Variants in DMD observed in about 807,000 individuals in gnomAD.
The protein encoded by DMD is mutant dystrophin.
In DMD, 63 loss-of-function variants were observed where a neutral mutation model predicts 330.1. The observed-to-expected ratio is 0.19, with a 90% CI of 0.16 to 0.24. The LOEUF is 0.24. Among genes scored for constraint, DMD ranks in the 10% least tolerant of loss-of-function variants. DMD has a pLI of 1.00. For synonymous variants in DMD, 1,223 were observed against 959.8 expected, an observed-to-expected ratio of 1.27 and a Z score of -5.07; for missense variants, 3,344 against 2,684.1, an observed-to-expected ratio of 1.25 and a Z score of -5.43.
chrX:31,612,198 T>A (rs932614078), intron 55 of DMD, among the ~76,000 whole-genome samples: 3 of 111,479 alleles, frequency 2.7e-5, no homozygotes, highest in African/African-American at 9.8e-5. Context: ...TTGACTGTTG[T>A]AGGTAGCTCA....
chrX:32,442,870 A>G (rs1373537242), intron 27 of DMD, among the ~76,000 whole-genome samples: 5 of 111,244 alleles, frequency 4.5e-5, no homozygotes, highest in Non-Finnish European at 9.5e-5. Context: ...TGTTGGGTGA[A>G]AGACAAAGCC....
intron 47 of DMD, among the ~76,000 whole-genome samples, chrX:31,919,703 C>T (rs1156536759): frequency 8.9e-6 from 1 of 112,161 alleles, no homozygotes; most frequent in Non-Finnish European, 1.9e-5. Flanking sequence ...GAAATGCTCT[C>T]GTCAATGTCT....
intron 55 of DMD, among the ~76,000 whole-genome samples, chrX:31,564,996 A>G (rs1476093983): frequency 8.9e-6 from 1 of 112,471 alleles, no homozygotes; most frequent in Non-Finnish European, 1.9e-5. Flanking sequence ...CAGTAAAATA[A>G]CAAATGAGAT....
chrX:31,757,238 C>G (rs1222049586), intron 51 of DMD, among the ~76,000 whole-genome samples: 1 of 111,663 alleles, frequency 9.0e-6, no homozygotes, highest in South Asian at 3.7e-4. Context: ...TCACTATACT[C>G]CAATTTACAC....
At chrX:32,889,186 A>C (rs138188911) in intron 2 of DMD, among the ~76,000 whole-genome samples, 1,648 of 111,103 alleles carry the variant, frequency 0.015, 24 homozygotes, top group African/African-American at 0.052. Context: ...AATCGTGAGC[A>C]TGTGTCTTAG....
intron 1 of DMD, among the ~76,000 whole-genome samples, chrX:33,097,499 A>G (rs1167829861): frequency 9.0e-6 from 1 of 111,072 alleles, no homozygotes; most frequent in East Asian, 2.8e-4. Flanking sequence ...TGATCAGTGA[A>G]ATTTACATTG....
intron 48 of DMD, among the ~76,000 whole-genome samples, chrX:31,839,019 A>G (rs2093261752): frequency 8.9e-6 from 1 of 111,926 alleles, no homozygotes; most frequent in Admixed American, 9.5e-5. Context: ...ATATTATCAC[A>G]TATGCTGAAA....
intron 55 of DMD, among the ~76,000 whole-genome samples, chrX:31,520,178 G>A (rs1277455311): frequency 8.9e-6 from 1 of 111,919 alleles, no homozygotes; most frequent in East Asian, 2.8e-4. Context: ...CCATTCATGA[G>A]CTTTCCATTG....
intron 45 of DMD, among the ~76,000 whole-genome samples, chrX:31,948,748 G>A (rs2095121446): frequency 1.8e-5 from 2 of 111,187 alleles, no homozygotes; most frequent in Non-Finnish European, 3.8e-5. Flanking sequence ...CTGTTGAGTT[G>A]TATTAACAAT....
At chrX:33,008,722 G>A (rs1259082931) in intron 2 of DMD, among the ~76,000 whole-genome samples, 1 of 93,203 alleles carries the variant, frequency 1.1e-5, no homozygotes, top group Admixed American at 1.1e-4. Context: ...AAAATAACTA[G>A]GATTGTTAAA....
In DMD at chrX:31,212,172, GTGTGTA is replaced by G. The variant is rs1320101564; in HGVS notation, c.9362-2479_9362-2474del. Among the ~76,000 whole-genome samples the G allele has an allele frequency of 1.9e-3, 156 of 80,075 alleles. 1 individual carries two copies. Among genetic ancestry groups the G allele is most frequent in the African/African-American group, 5.4e-3 (121 of 22,237 alleles). 69.5% of individuals were successfully genotyped at this position (80,075 alleles called of 115,157 possible). A position where few individuals can be genotyped will look rare whatever the true frequency, so the allele number is the denominator to read the frequency against. ...TATATATATATATATATATATGTGT[GTGTGTA>G]TGTGTGTGTGTGTGTGTGTGTGTTT... On this transcript the variant is annotated intron_variant, in intron 64 of 78. Transcript: ENST00000357033.
chrX:32,472,390 C>T, intron 21 of DMD, 81 bp from the exon 22 acceptor site: 1 of 944,636 alleles, frequency 1.1e-6, no homozygotes, highest in Non-Finnish European at 1.5e-6. Flanking sequence ...TCAGCAAACT[C>T]AATTATATTA....
chrX:31,850,567 T>C (rs2093506129), intron 48 of DMD, among the ~76,000 whole-genome samples: 1 of 112,268 alleles, frequency 8.9e-6, no homozygotes, highest in Non-Finnish European at 1.9e-5. Flanking sequence ...CAAGATTTGC[T>C]GGTTCCCCTT....
intron 2 of DMD, among the ~76,000 whole-genome samples, chrX:32,944,772 T>G (rs1342190341): frequency 1.8e-5 from 2 of 109,790 alleles, no homozygotes; most frequent in East Asian, 2.9e-4. Context: ...GCCCGGCTAA[T>G]TTTTGTATTT....
intron 60 of DMD, among the ~76,000 whole-genome samples, chrX:31,362,819 G>A (rs1464635609): frequency 3.6e-5 from 4 of 112,134 alleles, no homozygotes; most frequent in Non-Finnish European, 5.6e-5. Context: ...GCATGGTGGC[G>A]GGCACCTGTA....
At chrX:32,509,662 C>T (rs967020477) in intron 18 of DMD, among the ~76,000 whole-genome samples, 2 of 111,920 alleles carry the variant, frequency 1.8e-5, no homozygotes, top group Non-Finnish European at 3.8e-5. Context: ...TTACCTATCA[C>T]CATGATTTGA....
chrX:33,108,618 G>C (rs1413387647), intron 1 of DMD, among the ~76,000 whole-genome samples: 1 of 104,971 alleles, frequency 9.5e-6, no homozygotes, highest in Non-Finnish European at 2.0e-5. Flanking sequence ...GCTCACCCCT[G>C]TAATCCCAGC....
At chrX:32,895,081 C>G (rs949985093) in intron 2 of DMD, among the ~76,000 whole-genome samples, 10 of 112,123 alleles carry the variant, frequency 8.9e-5, no homozygotes, top group African/African-American at 3.2e-4. Context: ...AGAGCAAGCT[C>G]TCTGGTGTTT....
At chrX:32,757,881 T>A (rs1178293230) in intron 7 of DMD, among the ~76,000 whole-genome samples, 1 of 111,764 alleles carries the variant, frequency 8.9e-6, no homozygotes, top group East Asian at 2.8e-4. Flanking sequence ...CCATCTCTCA[T>A]TTTTGCTGCA....
Sources: gnomAD v4.1 joint callset for allele counts (sites outside exome capture counted in the v4.1 genomes callset) on GRCh38, gnomAD v4.1.1 for gene constraint, MANE v1.5 for transcripts, NCBI Gene and HGNC (gene_info 2026-07-23, HGNC 2026-07-21) for gene names.